Variants in ACCS observed in about 807,000 individuals in gnomAD.
ACCS encodes 1-aminocyclopropane-1-carboxylate synthase-like protein 1.
Under a neutral mutation model 59.8 loss-of-function variants are expected in ACCS, and 42 were observed. The ratio of observed to expected loss-of-function variants is 0.70; its 90% CI spans 0.55 to 0.91. ACCS has a LOEUF of 0.91. Among genes scored for constraint, ACCS ranks in the 40% least tolerant of loss-of-function variants. The probability of loss-of-function intolerance (pLI) is 0.00; values close to 1 mark genes in which losing one functional copy is unlikely to be tolerated. For synonymous variants in ACCS, 230 were observed against 240.3 expected (o/e 0.96, Z 0.40); for missense variants, 602 against 630.4 (o/e 0.95, Z 0.48).
chr11:44,083,182 G>A lies in ACCS; in HGVS notation c.1125G>A (p.Gln375=), dbSNP rs1377385508. 1.9e-6 allele frequency: 3 copies of A among 1,614,066 alleles called. No homozygotes were observed. In the African/African-American group the frequency reaches 4.0e-5, roughly 22 times the overall value. The change falls in exon 13 of 15, where the codon CAG becomes CAA. Residue 375 remains glutamine, a synonymous_variant. Coordinates refer to ENST00000263776, the MANE Select transcript of ACCS (RefSeq NM_032592.4). ...TCACCCAAACAGACTGGATCAACCA[G>A]GTGTACCTGCCGGAAAACCATGCCC... ...QLLRDRDWIN[Q]VYLPENHARL...
chr11:44,074,232 GA>G (rs141420299), intron 4 of ACCS, among the ~76,000 whole-genome samples: 18,553 of 152,156 alleles, frequency 0.12, 1,133 homozygotes, highest in Middle Eastern at 0.18. Flanking sequence ...GGATTATTAT[GA>G]AGAGTAAGTA....
chr11:44,070,338 T>A (rs1352302267), intron 2 of ACCS, among the ~76,000 whole-genome samples: 1 of 152,042 alleles, frequency 6.6e-6, no homozygotes, highest in Non-Finnish European at 1.5e-5. Context: ...GATGGTGGCT[T>A]ATACCAGGGT....
rs548562878 is a variant in ACCS, at chr11:44,080,388, A to G, written c.924-632A>G. On this transcript the variant is annotated intron_variant, in intron 10 of 14. Coordinates refer to ENST00000263776, the MANE Select transcript of ACCS (RefSeq NM_032592.4). ...CAAAGCCTTGAGGAGTTGATGGAGC[A>G]TGGATTGTGACTCTCATCTATTTTT... is the stretch of plus-strand genomic sequence containing the variant. 8 of 153,596 alleles carry G rather than the reference A, an allele frequency of 5.2e-5. No individual in the cohort carries two copies. In the South Asian group the frequency reaches 8.2e-4, roughly 16 times the overall value. The allele number at this position is 153,596 out of a possible 1,614,324, so 9.5% of individuals were successfully genotyped here.
intron 9 of ACCS, 44 bp from the exon 10 acceptor site, chr11:44,079,487 C>A: frequency 6.5e-7 from 1 of 1,531,576 alleles, no homozygotes; most frequent in Non-Finnish European, 9.0e-7. Context: ...GACGCATCTG[C>A]CCTACACACT....
At chr11:44,070,801 C>T (rs1425037309) in intron 2 of ACCS, among the ~76,000 whole-genome samples, 1 of 152,204 alleles carries the variant, frequency 6.6e-6, no homozygotes, top group Non-Finnish European at 1.5e-5. Context: ...TATACCATCT[C>T]TATTCTTTCA....
rs1253444474 is a variant in ACCS at position 44,079,621 on chromosome 11, G to A, written c.923+1G>A. Reference sequence around the variant, plus strand: ...ACCGCAGTGTCCTAAGCCTGGAAAGGTGAGGCTCCCTGACACAGCTAACTC... The same window carrying A: ...ACCGCAGTGTCCTAAGCCTGGAAAGATGAGGCTCCCTGACACAGCTAACTC... On this transcript the variant is annotated splice_donor_variant, in intron 10 of 14. Transcript: ENST00000263776. LOFTEE classifies it high-confidence loss of function. The A allele has an allele frequency of 6.2e-7, 1 of 1,606,236 alleles. No individual in the cohort carries two copies.
rs35990166 is a variant in ACCS at position 44,077,325 on chromosome 11, C to T, written c.603C>T (p.His201=). The T allele has an allele frequency of 5.1e-4, 826 of 1,614,118 alleles. 5 individuals carry two copies. In the African/African-American group the frequency reaches 9.3e-3, roughly 18 times the overall value. ...PTPYYGAITQ[H]VCLYGNIRLA... The stretch of plus-strand genomic sequence containing the variant: ...CTTACTATGGCGCTATCACACAGCA[C>T]GTGTGTCTCTATGGCAACATCCGGC... Residue 201 remains histidine (H), a synonymous_variant, in exon 7 of 15, where the codon CAC becomes CAT. Transcript: ENST00000263776.
chr11:44,079,762 A>G, intron 10 of ACCS, 142 bp downstream of exon 10: 2 of 673,438 alleles, frequency 3.0e-6, no homozygotes, highest in Admixed American at 2.9e-5. Context: ...CCTCAGATCT[A>G]ATGAGAAGCA....
intron 12 of ACCS, among the ~76,000 whole-genome samples, 187 bp downstream of exon 12, chr11:44,081,507 C>T (rs183215599): frequency 2.1e-4 from 32 of 152,376 alleles, no homozygotes; most frequent in African/African-American, 7.2e-4. Context: ...CTTTGCTTCA[C>T]CTCTTTATCT....
chr11:44,075,857 G>T (rs1020954334), intron 6 of ACCS: 5 of 440,724 alleles, frequency 1.1e-5, no homozygotes, highest in Non-Finnish European at 2.1e-5. Flanking sequence ...GCGTCCTCAC[G>T]TGACAGTGTG....
chr11:44,077,226 T>A, intron 6 of ACCS, 53 bp from the exon 7 acceptor site: 1 of 1,579,926 alleles, frequency 6.3e-7, no homozygotes, highest in Non-Finnish European at 8.6e-7. Context: ...GGACAGAGGG[T>A]CTGGGGTGTT....
chr11:44,078,954 C>T, intron 9 of ACCS, 170 bp downstream of exon 9: 1 of 600,226 alleles, frequency 1.7e-6, no homozygotes. Flanking sequence ...GCCCATTCCT[C>T]TTTATCTTTC....
chr11:44,079,085 C>G (rs1218350207), intron 9 of ACCS: 1 of 423,806 alleles, frequency 2.4e-6, no homozygotes, highest in Non-Finnish European at 4.3e-6. Flanking sequence ...CACAACAACC[C>G]TTTATGTGCC....
rs1590496847 is a variant in ACCS at position 44,077,978 on chromosome 11, G to A, written c.732+56G>A. 3 of 1,577,556 alleles carry A rather than the reference G, an allele frequency of 1.9e-6. No homozygotes were observed. In the East Asian group the frequency reaches 6.7e-5, roughly 35 times the overall value. ...GTGTGGGTGGGTCTGAGCAGGGTCTGGACCCCTCTTCTTGTGACTGATCTC... is the reference window on the plus strand; with the variant it reads ...GTGTGGGTGGGTCTGAGCAGGGTCTAGACCCCTCTTCTTGTGACTGATCTC... On this transcript the variant is annotated intron_variant, in intron 8 of 14. Coordinates refer to ENST00000263776, the MANE Select transcript of ACCS (RefSeq NM_032592.4).
At chr11:44,079,060 C>T in intron 9 of ACCS, 1 of 452,804 alleles carries the variant, frequency 2.2e-6, no homozygotes, top group Non-Finnish European at 3.9e-6. Flanking sequence ...CACAACAATG[C>T]TATCATACAA....
chr11:44,083,207 C>G lies in ACCS; in HGVS notation c.1150C>G (p.Arg384Gly). 1 of 1,614,178 alleles carries G rather than the reference C, an allele frequency of 6.2e-7. No homozygotes were observed. Among genetic ancestry groups the G allele is most frequent in the Non-Finnish European group, 8.5e-7 (1 of 1,180,028 alleles). Residue 384 changes from arginine to glycine, a missense_variant, in exon 13 of 15, where the codon CGG becomes GGG. By Grantham distance (125) the Arg-to-Gly change is moderately radical. Coordinates refer to ENST00000263776, the MANE Select transcript of ACCS (RefSeq NM_032592.4). ...GGTGTACCTGCCGGAAAACCATGCC[C>G]GGCTCAAGGCTGCCCACACCTATGT... is the stretch of plus-strand genomic sequence containing the variant. ...NQVYLPENHA[R>G]LKAAHTYVSE...
intron 9 of ACCS, 70 bp from the exon 10 acceptor site, chr11:44,079,461 C>A: frequency 7.5e-7 from 1 of 1,341,538 alleles, no homozygotes; most frequent in Non-Finnish European, 1.0e-6. Context: ...TGATGTATTA[C>A]CTCCCCACCC....
intron 2 of ACCS, among the ~76,000 whole-genome samples, chr11:44,070,084 A>C (rs1952978285): frequency 6.6e-6 from 1 of 152,182 alleles, no homozygotes; most frequent in South Asian, 2.1e-4. Flanking sequence ...CAAGATGGGC[A>C]GGCGATGGGG....
At chr11:44,082,069 G>A (rs1288651738) in intron 12 of ACCS, 1 of 152,056 alleles carries the variant, frequency 6.6e-6, no homozygotes, top group Non-Finnish European at 1.5e-5. Flanking sequence ...TTACAGATGA[G>A]GAAAATGAGG....
Sources: gnomAD v4.1 joint callset for allele counts (sites outside exome capture counted in the v4.1 genomes callset) on GRCh38, gnomAD v4.1.1 for gene constraint, MANE v1.5 for transcripts, NCBI Gene and HGNC (gene_info 2026-07-23, HGNC 2026-07-21) for gene names.